ZMYND8: variants seen among roughly 807,000 people sequenced by gnomAD.
ZMYND8 encodes MYND-type zinc finger-containing chromatin reader ZMYND8.
In ZMYND8, 37 loss-of-function variants were observed where a neutral mutation model predicts 140.8. The observed-to-expected ratio is 0.26, with a 90% CI of 0.20 to 0.35. The LOEUF is 0.35. Ranked by LOEUF, ZMYND8 falls within the 10% of genes least tolerant of loss-of-function variation. ZMYND8 has a pLI of 1.00. For missense variants in ZMYND8, 1,068 were observed against 1,570.0 expected (o/e 0.68, Z 5.40); for synonymous variants, 592 against 597.1 (o/e 0.99, Z 0.12).
rs557770952 is a variant in ZMYND8 at position 47,221,345 on chromosome 20, G to T, written c.3386C>A (p.Thr1129Lys). 1 of 1,614,058 alleles carries T rather than the reference G, an allele frequency of 6.2e-7. No individual in the cohort carries two copies. Among genetic ancestry groups the T allele is most frequent in the African/African-American group, 1.3e-5 (1 of 74,920 alleles). ...ACTCTCCTTGCTTTTCTCAGCTGAC[G>T]TCTCCTTCTCTTTGGAGGCGCTGGC... ...ETASASKEKE[T>K]SAEKSKESGS... Residue 1129 changes from threonine (T) to lysine (K), a missense_variant, in exon 20 of 23, where the codon ACG becomes AAG. Coordinates refer to ENST00000471951, the MANE Select transcript of ZMYND8 (RefSeq NM_001281775.3).
At chr20:47,334,761 C>T (rs913921414) in intron 2 of ZMYND8, among the ~76,000 whole-genome samples, 16 of 151,912 alleles carry the variant, frequency 1.1e-4, no homozygotes, top group Non-Finnish European at 2.4e-4. Flanking sequence ...AGGCACACGC[C>T]ACCACACTCA....
rs2077818209 is a variant in ZMYND8 at position 47,298,930 on chromosome 20, A to G, written c.252T>C (p.Gly84=). Residue 84 remains glycine, a synonymous_variant, in exon 4 of 23, where the codon GGT becomes GGC. Transcript: ENST00000471951. This position sits in a 1 kb window ranked among gnomAD's most constrained non-coding sequence, Gnocchi z 5.0. ...GTGGCTGCTTCATATAGTAAAACGG[A>G]CCATGTCTTAGTTCTGACTGAAATG... ...NNKEQSELRH[G]PFYYMKQPLT... is the part of the protein sequence containing the mutation. 1 of 1,614,190 alleles carries G rather than the reference A, an allele frequency of 6.2e-7. No individual in the cohort carries two copies. The highest frequency in any genetic ancestry group is 8.5e-7 in the Non-Finnish European group (1 of 1,180,036).
At position 47,262,333 on chromosome 20, in the gene ZMYND8, T is replaced by C. The variant is rs2075216515; in HGVS notation, c.1576A>G (p.Thr526Ala). The C allele has an allele frequency of 6.2e-7, 1 of 1,613,596 alleles. No individual in the cohort carries two copies. Among genetic ancestry groups the C allele is most frequent in the Non-Finnish European group, 8.5e-7 (1 of 1,179,980 alleles). The change falls in exon 12 of 23, where the codon ACG (threonine) becomes GCG (alanine). Residue 526 changes from threonine to alanine, a missense_variant. This residue lies in a region of ZMYND8 where 173 missense variants were observed against 223.3 expected (regional missense o/e 0.77). Transcript: ENST00000471951. ...CTGCCGGTGGTGGAGGTTTTGTCCGTTTTCGTCGTGATAGGAGCTGACAGT... is the reference window on the plus strand; with the variant it reads ...CTGCCGGTGGTGGAGGTTTTGTCCGCTTTCGTCGTGATAGGAGCTGACAGT... ...PQLSAPITTK[T>A]DKTSTTGSIL...
chr20:47,336,144 C>G (rs2081369870), intron 2 of ZMYND8, among the ~76,000 whole-genome samples: 1 of 152,184 alleles, frequency 6.6e-6, no homozygotes, highest in Non-Finnish European at 1.5e-5. Flanking sequence ...TCACAGCCGT[C>G]CTCATAAACA....
chr20:47,320,831 G>A (rs973803832), intron 2 of ZMYND8: 1 of 152,254 alleles, frequency 6.6e-6, no homozygotes, highest in African/African-American at 2.4e-5. Context: ...AGGATAGACG[G>A]GGTAGCCACT....
chr20:47,328,724 C>A (rs1399342912), intron 2 of ZMYND8, among the ~76,000 whole-genome samples: 3 of 152,162 alleles, frequency 2.0e-5, no homozygotes, highest in East Asian at 1.9e-4. Flanking sequence ...TCCCAAAGTG[C>A]TGGGATTCCA....
Position 47,226,564 on chromosome 20 carries a change from C to T in ZMYND8, c.3016+639G>A, listed in dbSNP as rs149427642. 2.4e-3 allele frequency among the ~76,000 whole-genome samples: 368 copies of T among 152,296 alleles called. 1 individual carries two copies. Among genetic ancestry groups the T allele is most frequent in the African/African-American group, 8.6e-3 (359 of 41,562 alleles). On this transcript the variant is annotated intron_variant, in intron 18 of 22. Coordinates refer to ENST00000471951, the MANE Select transcript of ZMYND8 (RefSeq NM_001281775.3). ...ATGAACAGGGTGAAGAGTGCCCAGA[C>T]TTGAACTGTGGCCGTGTGACTTTGA...
chr20:47,265,043 AATATATATAC>A (rs2075411865), intron 11 of ZMYND8, among the ~76,000 whole-genome samples: 1 of 74,436 alleles, frequency 1.3e-5, no homozygotes, highest in Non-Finnish European at 2.9e-5. Context: ...TCCCCAAAAA[AATATATATAC>A]ATATATATAT....
intron 2 of ZMYND8, among the ~76,000 whole-genome samples, chr20:47,314,237 G>A (rs2079194106): frequency 6.6e-6 from 1 of 151,922 alleles, no homozygotes; most frequent in South Asian, 2.1e-4. Flanking sequence ...GGTGGCTCAC[G>A]CCTGTAATCC....
intron 3 of ZMYND8, among the ~76,000 whole-genome samples, chr20:47,299,602 A>C (rs76745748): frequency 0.12 from 17,734 of 151,900 alleles, 1,170 homozygotes; most frequent in South Asian, 0.28. Flanking sequence ...TTTTTTTCAG[A>C]GACGGAGTCT....
intron 5 of ZMYND8, 118 bp from the exon 6 acceptor site, chr20:47,292,006 G>T: frequency 1.2e-6 from 1 of 820,484 alleles, no homozygotes; most frequent in Non-Finnish European, 1.8e-6. Context: ...TAGTTCTAAA[G>T]TTTTCCATAA....
chr20:47,311,318 T>C (rs1429527584), intron 2 of ZMYND8, among the ~76,000 whole-genome samples: 5 of 152,024 alleles, frequency 3.3e-5, no homozygotes, highest in Non-Finnish European at 5.9e-5. Flanking sequence ...TTTAAACACA[T>C]GTACACTTCA....
intron 21 of ZMYND8, among the ~76,000 whole-genome samples, 155 bp from the exon 22 acceptor site, chr20:47,212,880 C>T (rs562768637): frequency 6.6e-6 from 1 of 152,268 alleles, no homozygotes; most frequent in African/African-American, 2.4e-5. Context: ...TTAATGCAAG[C>T]ACAGGAGACT....
At chr20:47,277,057 A>G (rs1269642166) in intron 10 of ZMYND8, among the ~76,000 whole-genome samples, 1 of 152,236 alleles carries the variant, frequency 6.6e-6, no homozygotes, top group East Asian at 1.9e-4. Context: ...GCCACTAAAG[A>G]AACAATCCTC....
At chr20:47,269,087 T>C (rs528416827) in intron 11 of ZMYND8, among the ~76,000 whole-genome samples, 1 of 152,110 alleles carries the variant, frequency 6.6e-6, no homozygotes, top group African/African-American at 2.4e-5. Flanking sequence ...TAATCCCAGC[T>C]ACTTGGGGGG....
At chr20:47,308,019 G>A (rs2078630976) in intron 3 of ZMYND8, among the ~76,000 whole-genome samples, 1 of 150,994 alleles carries the variant, frequency 6.6e-6, no homozygotes, top group African/African-American at 2.4e-5. Flanking sequence ...TCGGGAGGCT[G>A]AGGCAGAAGA....
chr20:47,325,567 C>T (rs1156513838), intron 2 of ZMYND8, among the ~76,000 whole-genome samples: 1 of 152,064 alleles, frequency 6.6e-6, no homozygotes, highest in Non-Finnish European at 1.5e-5. Context: ...CTGAAAGGGA[C>T]CCCAGAACAG....
At chr20:47,219,898 TAC>T (rs1326384131) in intron 21 of ZMYND8, among the ~76,000 whole-genome samples, 3 of 151,970 alleles carry the variant, frequency 2.0e-5, no homozygotes, top group South Asian at 2.1e-4. Context: ...AATAAAATCT[TAC>T]ACAGTGTCAT....
At chr20:47,259,259 T>C (rs915785538) in intron 12 of ZMYND8, among the ~76,000 whole-genome samples, 1 of 152,110 alleles carries the variant, frequency 6.6e-6, no homozygotes, top group Admixed American at 6.5e-5. Flanking sequence ...TTGGGAACAA[T>C]GAATGTTCCC....
Sources: gnomAD v4.1 joint callset for allele counts (sites outside exome capture counted in the v4.1 genomes callset) on GRCh38, gnomAD v4.1.1 for gene constraint, gnomAD v4.1.1 regional missense constraint, Gnocchi (gnomAD v3.1) non-coding constraint, MANE v1.5 for transcripts, NCBI Gene and HGNC (gene_info 2026-07-23, HGNC 2026-07-21) for gene names.